TICAM2: variants seen among roughly 807,000 people sequenced by gnomAD.
The protein encoded by TICAM2 is TIR domain containing adaptor molecule 2, also known as TIR domain-containing adapter molecule 2.
A neutral mutation model predicts 7.3 loss-of-function variants in TICAM2; 8 were observed. The observed-to-expected ratio is 1.10, with a 90% CI of 0.65 to 1.99. The LOEUF (loss-of-function observed/expected upper bound fraction) is 1.99, where lower values mean the gene tolerates loss of function less well. Among genes scored for constraint, TICAM2 ranks in the 30% most tolerant of loss-of-function variants. The probability of loss-of-function intolerance (pLI) is 0.00; values close to 1 mark genes in which losing one functional copy is unlikely to be tolerated. For synonymous variants in TICAM2, 113 were observed against 99.6 expected, an observed-to-expected ratio of 1.13 and a Z score of -0.80; for missense variants, 304 against 278.8, an observed-to-expected ratio of 1.09 and a Z score of -0.65.
chr5:115,582,131 TTTG>T (rs1398882193), intron 1 of TICAM2, among the ~76,000 whole-genome samples: 5 of 152,048 alleles, frequency 3.3e-5, no homozygotes, highest in Admixed American at 6.6e-5. Flanking sequence ...CATTCTTGTT[TTTG>T]TTGTTATTTA....
intron 1 of TICAM2, among the ~76,000 whole-genome samples, chr5:115,583,671 G>GA (rs1047221670): frequency 2.6e-5 from 4 of 152,220 alleles, no homozygotes; most frequent in African/African-American, 7.2e-5. Flanking sequence ...GACATGGAGA[G>GA]ATGGTCAGGA....
chr5:115,600,980 C>A (rs1433513237), intron 1 of TICAM2, among the ~76,000 whole-genome samples: 1 of 152,180 alleles, frequency 6.6e-6, no homozygotes, highest in South Asian at 2.1e-4. Context: ...CATGATTCAA[C>A]AGTGTAAACA....
At chr5:115,591,954 T>A (rs1301215616) in intron 1 of TICAM2, among the ~76,000 whole-genome samples, 1 of 151,710 alleles carries the variant, frequency 6.6e-6, no homozygotes, top group Non-Finnish European at 1.5e-5. Flanking sequence ...TCAAGGAAAA[T>A]AAATAAAAAG....
chr5:115,598,959 T>C (rs1477527285), intron 1 of TICAM2, among the ~76,000 whole-genome samples: 2 of 151,398 alleles, frequency 1.3e-5, no homozygotes, highest in Non-Finnish European at 2.9e-5. Flanking sequence ...CCAGATGCAG[T>C]GGTATGTGCC....
At chr5:115,600,325 C>T (rs1369405547) in intron 1 of TICAM2, among the ~76,000 whole-genome samples, 1 of 152,190 alleles carries the variant, frequency 6.6e-6, no homozygotes, top group African/African-American at 2.4e-5. Context: ...CATACACATA[C>T]ATCTGGAGCT....
At position 115,583,600 on chromosome 5, in the gene TICAM2, G is replaced by A. The variant is rs554493008; in HGVS notation, c.-59-2285C>T. ...CTTCTAATCTGGAGGGAGGGAGTAA[G>A]GAGACTGCCAAGGGAACAAGCTGTG... is the stretch of plus-strand genomic sequence containing the variant. On this transcript the variant is annotated intron_variant, in intron 1 of 1. Transcript: ENST00000427199. Among the ~76,000 whole-genome samples, 44 of 152,276 alleles carry A rather than the reference G, an allele frequency of 2.9e-4. No individual in the cohort carries two copies. In the East Asian group the frequency reaches 7.9e-3, roughly 27 times the overall value.
intron 1 of TICAM2, among the ~76,000 whole-genome samples, chr5:115,596,663 T>G (rs1280710195): frequency 1.3e-5 from 2 of 152,192 alleles, no homozygotes; most frequent in African/African-American, 4.8e-5. Context: ...CTCACGCCTG[T>G]AATCCCAGCA....
chr5:115,586,156 G>C (rs1479133720), intron 1 of TICAM2, among the ~76,000 whole-genome samples: 3 of 152,184 alleles, frequency 2.0e-5, no homozygotes, highest in African/African-American at 7.2e-5. Context: ...TTAAGGAGGT[G>C]AGTATAGATA....
intron 1 of TICAM2, among the ~76,000 whole-genome samples, chr5:115,587,069 C>T (rs567113989): frequency 1.6e-4 from 25 of 152,086 alleles, no homozygotes; most frequent in African/African-American, 4.3e-4. Context: ...CATTTTGCAC[C>T]GGACATTTAT....
In TICAM2 at chr5:115,580,557, T is replaced by C; in HGVS notation, c.700A>G (p.Ile234Val). Residue 234 changes from isoleucine (I) to valine (V), a missense_variant, in exon 2 of 2, where the codon ATT becomes GTT. Transcript: ENST00000427199. Reference protein sequence around the residue: ...ETRNMVQRQFIA With the variant: ...ETRNMVQRQFVA ...ATGTTATATGTTTCATCTCAGGCAATAAATTGTCTTTGTACCATATTTCTT... is the reference window on the plus strand; with the variant it reads ...ATGTTATATGTTTCATCTCAGGCAACAAATTGTCTTTGTACCATATTTCTT... 1 of 1,591,020 alleles carries C rather than the reference T, an allele frequency of 6.3e-7. No homozygotes were observed. Among genetic ancestry groups the C allele is most frequent in the Non-Finnish European group, 8.5e-7 (1 of 1,172,454 alleles).
In TICAM2 at chr5:115,579,105, C is replaced by G. The variant is rs985841472; in HGVS notation, c.*1444G>C. On this transcript the variant is annotated 3_prime_UTR_variant, in exon 2 of 2. Transcript: ENST00000427199. ...TTATTTTTAAGAAAGCCTGAGTAAG[C>G]ATGTATATTTTTTTCCTGTGACTTT... 16 of 152,580 alleles carry G rather than the reference C, an allele frequency of 1.0e-4. No homozygotes were observed. Among genetic ancestry groups the G allele is most frequent in the Non-Finnish European group, 1.9e-4 (13 of 68,004 alleles). The allele number at this position is 152,580 out of a possible 1,614,324, so 9.5% of individuals were successfully genotyped here.
chr5:115,594,651 T>A (rs1030972438), intron 1 of TICAM2, among the ~76,000 whole-genome samples: 1 of 152,166 alleles, frequency 6.6e-6, no homozygotes, highest in Non-Finnish European at 1.5e-5. Context: ...AACAAAGACA[T>A]AAAAGTGACA....
chr5:115,580,401 G>A lies in TICAM2; in HGVS notation c.*148C>T, dbSNP rs1754873639. 2 of 1,060,462 alleles carry A rather than the reference G, an allele frequency of 1.9e-6. No homozygotes were observed. The highest frequency in any genetic ancestry group is 1.7e-5 in the African/African-American group (1 of 59,574). 65.7% of individuals were successfully genotyped at this position (1,060,462 alleles called of 1,614,324 possible). ...GTACCACAATTTTATAGGCTGTCCT[G>A]CAGAAATTTATCTTTCTTGTGCTCC... On this transcript the variant is annotated 3_prime_UTR_variant, in exon 2 of 2. Transcript: ENST00000427199.
intron 1 of TICAM2, among the ~76,000 whole-genome samples, chr5:115,597,337 T>C (rs929650371): frequency 6.6e-6 from 1 of 152,248 alleles, no homozygotes; most frequent in Admixed American, 6.5e-5. Context: ...ATTTGAAGTA[T>C]GAGTTATATG....
rs1428241424 is a variant in TICAM2 at position 115,579,550 on chromosome 5, T to C, written c.*999A>G. On this transcript the variant is annotated 3_prime_UTR_variant, in exon 2 of 2. Coordinates refer to ENST00000427199, the MANE Select transcript of TICAM2 (RefSeq NM_021649.7). ...GCTGTGGAGGAAAGAAACAATCCTG[T>C]TTGGGGCCTCTCTGGCTTGTTAGGA... is the stretch of plus-strand genomic sequence containing the variant. 1.3e-5 allele frequency: 2 copies of C among 152,168 alleles called. No individual in the cohort carries two copies. The highest frequency in any genetic ancestry group is 4.8e-5 in the African/African-American group (2 of 41,422). 9.4% of individuals were successfully genotyped at this position (152,168 alleles called of 1,614,324 possible).
rs949910759 is a variant in TICAM2, at chr5:115,579,692, A to G, written c.*857T>C. The G allele has an allele frequency of 2.0e-5, 3 of 152,246 alleles. No individual in the cohort carries two copies. The highest frequency in any genetic ancestry group is 2.9e-5 in the Non-Finnish European group (2 of 68,052). The allele number at this position is 152,246 out of a possible 1,614,324, so 9.4% of individuals were successfully genotyped here. A position where few individuals can be genotyped will look rare whatever the true frequency, so the allele number is the denominator to read the frequency against. The stretch of plus-strand genomic sequence containing the variant: ...TCAGGCTACTTTGAAGACCTAAATG[A>G]GAAATACTTCCTGAGAAGAGAATTG... On this transcript the variant is annotated 3_prime_UTR_variant, in exon 2 of 2. Transcript: ENST00000427199.
rs779334422 is a variant in TICAM2, at chr5:115,580,658, C to T, written c.599G>A (p.Arg200His). 3.5e-5 allele frequency: 56 copies of T among 1,580,128 alleles called. No homozygotes were observed. The highest frequency in any genetic ancestry group is 1.8e-4 in the South Asian group (15 of 84,350). ...QTINALEEESRGFPTQVERIF... is the reference protein window; with the variant it reads ...QTINALEEESHGFPTQVERIF... Reference sequence around the variant, plus strand: ...TCTTTCTACTTGTGTAGGAAATCCACGACTTTCTTCCTCTAAGGCATTGAT... The same window carrying T: ...TCTTTCTACTTGTGTAGGAAATCCATGACTTTCTTCCTCTAAGGCATTGAT... The change falls in exon 2 of 2, where the codon CGT becomes CAT. Residue 200 changes from arginine (R) to histidine (H), a missense_variant. Physicochemically the swap from Arg to His is conservative, Grantham distance 29. Coordinates refer to ENST00000427199, the MANE Select transcript of TICAM2 (RefSeq NM_021649.7).
At chr5:115,599,789 G>A (rs1755649329) in intron 1 of TICAM2, among the ~76,000 whole-genome samples, 1 of 152,132 alleles carries the variant, frequency 6.6e-6, no homozygotes, top group South Asian at 2.1e-4. Flanking sequence ...GATGAGTTCA[G>A]AGAACTAGTC....
chr5:115,580,246 A>T lies in TICAM2; in HGVS notation c.*303T>A, dbSNP rs1357642806. 2 of 239,678 alleles carry T rather than the reference A, an allele frequency of 8.3e-6. No individual in the cohort carries two copies. The highest frequency in any genetic ancestry group is 1.8e-4 in the East Asian group (2 of 11,266). 14.8% of individuals were successfully genotyped at this position (239,678 alleles called of 1,614,324 possible). A position where few individuals can be genotyped will look rare whatever the true frequency, so the allele number is the denominator to read the frequency against. The stretch of plus-strand genomic sequence containing the variant: ...CATTTTTAAAAATGTCTGTCATACA[A>T]GTTTTTGTTCAAGGTTCAATACAAG... On this transcript the variant is annotated 3_prime_UTR_variant, in exon 2 of 2. Transcript: ENST00000427199.
Sources: allele counts gnomAD v4.1 joint callset (sites outside exome capture counted in the v4.1 genomes callset), GRCh38; gene constraint gnomAD v4.1.1; transcripts MANE v1.5; gene names NCBI Gene and HGNC (gene_info 2026-07-23, HGNC 2026-07-21).